Variants in PCDHGA8 observed in about 807,000 individuals in gnomAD.
PCDHGA8 encodes protocadherin gamma-A8.
In PCDHGA8, 45 loss-of-function variants were observed where a neutral mutation model predicts 59.2. That is an observed-to-expected ratio of 0.76 (90% CI 0.60 to 0.98). PCDHGA8 has a LOEUF of 0.98. Among genes scored for constraint, PCDHGA8 ranks in the 50% least tolerant of loss-of-function variants. The pLI is 0.00. For synonymous variants in PCDHGA8, 531 were observed against 519.0 expected (o/e 1.02, Z -0.32); for missense variants, 1,257 against 1,196.2 (o/e 1.05, Z -0.75).
Position 141,491,797 on chromosome 5 carries a change from G to C in PCDHGA8, c.2425-3010G>C, listed in dbSNP as rs537755017. The C allele has an allele frequency of 7.9e-5, 119 of 1,506,700 alleles. No homozygotes were observed. In the Admixed American group the frequency reaches 1.4e-3, roughly 18 times the overall value. 93.3% of individuals were successfully genotyped at this position (1,506,700 alleles called of 1,614,324 possible). On this transcript the variant is annotated intron_variant, in intron 1 of 3. Coordinates refer to ENST00000398604, the MANE Select transcript of PCDHGA8 (RefSeq NM_032088.2). The surrounding 1 kb of genome is among the most constrained non-coding windows in gnomAD (Gnocchi z 6.9). The stretch of plus-strand genomic sequence containing the variant: ...ATTGAACTTGCATCCACTCCTCTCC[G>C]GCCGGCTTGGTCGCTGGCTGCGCTC...
chr5:141,403,442 G>C (rs565143998), intron 1 of PCDHGA8: 1 of 1,614,024 alleles, frequency 6.2e-7, no homozygotes, highest in East Asian at 2.2e-5. Flanking sequence ...GGATGTTGGC[G>C]TGAACTCCCT....
rs746913952 is a variant in PCDHGA8, at chr5:141,432,898, G to T, written c.2424+37661G>T. 2.5e-6 allele frequency: 4 copies of T among 1,614,174 alleles called. No individual in the cohort carries two copies. Among genetic ancestry groups the T allele is most frequent in the Admixed American group, 3.3e-5 (2 of 60,034 alleles). ...TGGCCTTCGTCATCTTGCTGCTGGC[G>T]CTCAGGCTGCGGCGCTGGCACAAGT... On this transcript the variant is annotated intron_variant, in intron 1 of 3. Coordinates refer to ENST00000398604, the MANE Select transcript of PCDHGA8 (RefSeq NM_032088.2). The surrounding 1 kb of genome is among the most constrained non-coding windows in gnomAD (Gnocchi z 6.0).
chr5:141,496,839 A>G (rs2099771783), intron 2 of PCDHGA8, among the ~76,000 whole-genome samples: 1 of 151,484 alleles, frequency 6.6e-6, no homozygotes. Flanking sequence ...CAGAACTCAT[A>G]GGCTTCCAGA....
chr5:141,490,517 C>T lies in PCDHGA8; in HGVS notation c.2425-4290C>T. 6.2e-7 allele frequency: 1 copy of T among 1,613,972 alleles called. No homozygotes were observed. The highest frequency in any genetic ancestry group is 2.2e-5 in the East Asian group (1 of 44,854). ...TCCCACTATATCATCGAGCTGCTGG[C>T]CAGCGATGCTGGTTCACCTTCCCTA... On this transcript the variant is annotated intron_variant, in intron 1 of 3. Coordinates refer to ENST00000398604, the MANE Select transcript of PCDHGA8 (RefSeq NM_032088.2). The surrounding 1 kb of genome is among the most constrained non-coding windows in gnomAD (Gnocchi z 5.4).
rs545310006 is a variant in PCDHGA8 at position 141,395,123 on chromosome 5, T to C, written c.2310T>C (p.Phe770=). ...TADSRKSHLI[F]PQPNYADMLI... ...ACTCGCGGAAGAGTCACCTGATCTTTCCCCAGCCCAACTACGCAGACATGC... is the reference window on the plus strand; with the variant it reads ...ACTCGCGGAAGAGTCACCTGATCTTCCCCCAGCCCAACTACGCAGACATGC... The change falls in exon 1 of 4, where the codon TTT becomes TTC. Residue 770 remains phenylalanine (F), a synonymous_variant. Coordinates refer to ENST00000398604, the MANE Select transcript of PCDHGA8 (RefSeq NM_032088.2). 2.5e-6 allele frequency: 4 copies of C among 1,614,148 alleles called. No homozygotes were observed. In the Admixed American group the frequency reaches 6.7e-5, roughly 27 times the overall value.
At chr5:141,418,904 A>C (rs2096300166) in intron 1 of PCDHGA8, 1 of 1,613,998 alleles carries the variant, frequency 6.2e-7, no homozygotes, top group Admixed American at 1.7e-5. Context: ...AGAAATAATC[A>C]TCACGTCACT....
chr5:141,408,660 C>T, intron 1 of PCDHGA8: 1 of 1,613,980 alleles, frequency 6.2e-7, no homozygotes, highest in East Asian at 2.2e-5. Context: ...ACACGACTAT[C>T]GCTTGACCCT....
rs752071139 is a variant in PCDHGA8 at position 141,422,722 on chromosome 5, G to A, written c.2424+27485G>A. ...CTCTCTGACGGATGACACTGTCCAG[G>A]GGGTGCCTCTGTCCTCCTATGTCTC... On this transcript the variant is annotated intron_variant, in intron 1 of 3. Coordinates refer to ENST00000398604, the MANE Select transcript of PCDHGA8 (RefSeq NM_032088.2). The A allele has an allele frequency of 2.4e-5, 39 of 1,605,774 alleles. No homozygotes were observed. In the South Asian group the frequency reaches 4.0e-4, roughly 17 times the overall value.
rs1589320809 is a variant in PCDHGA8, at chr5:141,398,163, G to A, written c.2424+2926G>A. 6 of 1,482,244 alleles carry A rather than the reference G, an allele frequency of 4.0e-6. No homozygotes were observed. The Admixed American group carries it at 1.0e-4, about 26-fold the overall frequency. The allele number at this position is 1,482,244 out of a possible 1,614,324, so 91.8% of individuals were successfully genotyped here. A position where few individuals can be genotyped will look rare whatever the true frequency, so the allele number is the denominator to read the frequency against. Reference sequence around the variant, plus strand: ...GCGCCGGGGAGCTGGGCCGGGCTGAGAGGCTGCCAGTGCTCTTTCTCTTCC... The same window carrying A: ...GCGCCGGGGAGCTGGGCCGGGCTGAAAGGCTGCCAGTGCTCTTTCTCTTCC... On this transcript the variant is annotated intron_variant, in intron 1 of 3. Transcript: ENST00000398604.
intron 1 of PCDHGA8, chr5:141,410,146 C>T (rs2095361527): frequency 2.5e-6 from 4 of 1,612,390 alleles, no homozygotes; most frequent in Non-Finnish European, 2.5e-6. Context: ...CTGTGCGTGA[C>T]GGTGGACAGC....
intron 1 of PCDHGA8, chr5:141,414,590 G>C (rs1287207695): frequency 1.2e-6 from 2 of 1,613,936 alleles, no homozygotes; most frequent in South Asian, 1.1e-5. Flanking sequence ...AACGCCAGGG[G>C]TGCCTCCATC....
At chr5:141,447,656 C>T (rs1352103605) in intron 1 of PCDHGA8, among the ~76,000 whole-genome samples, 1 of 152,056 alleles carries the variant, frequency 6.6e-6, no homozygotes, top group Non-Finnish European at 1.5e-5. Flanking sequence ...ATTTTCCCCC[C>T]CAGGAAGTTA....
chr5:141,448,103 A>G (rs1252710550), intron 1 of PCDHGA8, among the ~76,000 whole-genome samples: 2 of 151,992 alleles, frequency 1.3e-5, no homozygotes, highest in Non-Finnish European at 2.9e-5. Context: ...AAAAAATTAA[A>G]AGAAAAGAAA....
intron 1 of PCDHGA8, chr5:141,479,198 GA>G (rs1288699377): frequency 6.6e-6 from 1 of 152,304 alleles, no homozygotes; most frequent in African/African-American, 2.4e-5. Context: ...AGAAAATACA[GA>G]AAAGTATTTA....
chr5:141,468,847 C>T (rs2099182933), intron 1 of PCDHGA8, among the ~76,000 whole-genome samples: 1 of 151,986 alleles, frequency 6.6e-6, no homozygotes, highest in African/African-American at 2.4e-5. Flanking sequence ...GCCTGGGCAA[C>T]AGAGCGAGAC....
In PCDHGA8 at chr5:141,512,903, C is replaced by G. The variant is rs2099884492; in HGVS notation, c.*1730C>G. On this transcript the variant is annotated 3_prime_UTR_variant, in exon 4 of 4. Coordinates refer to ENST00000398604, the MANE Select transcript of PCDHGA8 (RefSeq NM_032088.2). ...CCCCACCCTCTTCCTGTGTCTCACG[C>G]AAGTTTTATACTCTAATATTTATAT... 6.6e-6 allele frequency: 1 copy of G among 152,224 alleles called. No homozygotes were observed. Among genetic ancestry groups the G allele is most frequent in the African/African-American group, 2.4e-5 (1 of 41,452 alleles). 9.4% of individuals were successfully genotyped at this position (152,224 alleles called of 1,614,324 possible).
At position 141,491,067 on chromosome 5, in the gene PCDHGA8, G is replaced by T. The variant is rs752758445; in HGVS notation, c.2425-3740G>T. On this transcript the variant is annotated intron_variant, in intron 1 of 3. Transcript: ENST00000398604. The surrounding 1 kb of genome is among the most constrained non-coding windows in gnomAD (Gnocchi z 6.9). Reference sequence around the variant, plus strand: ...ACAATGCGTGGCTCTCCTACTCACTGTTGCCACAGTCCACAGCCCCAGGAC... The same window carrying T: ...ACAATGCGTGGCTCTCCTACTCACTTTTGCCACAGTCCACAGCCCCAGGAC... 1.2e-6 allele frequency: 2 copies of T among 1,614,200 alleles called. No homozygotes were observed. The highest frequency in any genetic ancestry group is 1.7e-6 in the Non-Finnish European group (2 of 1,180,040).
At chr5:141,481,811 G>T (rs1050821120) in intron 1 of PCDHGA8, among the ~76,000 whole-genome samples, 3 of 151,892 alleles carry the variant, frequency 2.0e-5, no homozygotes, top group Admixed American at 1.3e-4. Flanking sequence ...AATTCACCAG[G>T]CGTGGTGGCT....
In PCDHGA8 at chr5:141,395,016, G is replaced by T; in HGVS notation, c.2203G>T (p.Val735Leu). The T allele has an allele frequency of 6.2e-7, 1 of 1,614,068 alleles. No homozygotes were observed. The highest frequency in any genetic ancestry group is 1.7e-5 in the Admixed American group (1 of 60,022). The change falls in exon 1 of 4, where the codon GTG becomes TTG. Residue 735 changes from valine (V) to leucine (L), a missense_variant. Physicochemically the swap from Val to Leu is conservative, Grantham distance 32. Coordinates refer to ENST00000398604, the MANE Select transcript of PCDHGA8 (RefSeq NM_032088.2). ...LQDSGGRLVG[V>L]PASHFVGVEE... is the part of the protein sequence containing the mutation. ...GGATTCCGGTGGCAGATTGGTAGGCGTGCCTGCCTCACATTTTGTGGGTGT... is the reference window on the plus strand; with the variant it reads ...GGATTCCGGTGGCAGATTGGTAGGCTTGCCTGCCTCACATTTTGTGGGTGT...
Sources: gnomAD v4.1 joint callset for allele counts (sites outside exome capture counted in the v4.1 genomes callset) on GRCh38, gnomAD v4.1.1 for gene constraint, Gnocchi (gnomAD v3.1) non-coding constraint, MANE v1.5 for transcripts, NCBI Gene and HGNC (gene_info 2026-07-23, HGNC 2026-07-21) for gene names.